Variants in CEP83 observed in about 807,000 individuals in gnomAD.
CEP83 encodes the protein centrosomal protein of 83 kDa.
In CEP83, 70 loss-of-function variants were observed where a neutral mutation model predicts 101.9. The ratio of observed to expected loss-of-function variants is 0.69; its 90% CI spans 0.57 to 0.84. The LOEUF is 0.84. CEP83 is among the 40% of genes least tolerant of loss of function. The probability of loss-of-function intolerance (pLI) is 0.00; values close to 1 mark genes in which losing one functional copy is unlikely to be tolerated. For missense variants in CEP83, 715 were observed against 787.2 expected, an observed-to-expected ratio of 0.91 and a Z score of 1.10; for synonymous variants, 264 against 267.9, an observed-to-expected ratio of 0.99 and a Z score of 0.14.
intron 2 of CEP83, among the ~76,000 whole-genome samples, chr12:94,422,088 T>C (rs529066680): frequency 6.6e-6 from 1 of 152,244 alleles, no homozygotes; most frequent in East Asian, 1.9e-4. Flanking sequence ...TATTTGGAGG[T>C]GTTTTGGCCT....
intron 2 of CEP83, among the ~76,000 whole-genome samples, chr12:94,423,406 C>T (rs1214875971): frequency 2.0e-5 from 3 of 149,448 alleles, no homozygotes; most frequent in Admixed American, 6.7e-5. Flanking sequence ...ATTCTGTTTG[C>T]GCCACATTTT....
At chr12:94,337,132 A>G (rs982202603) in intron 11 of CEP83, among the ~76,000 whole-genome samples, 2 of 152,236 alleles carry the variant, frequency 1.3e-5, no homozygotes, top group Non-Finnish European at 2.9e-5. Context: ...GACCCAGTTA[A>G]GAAAGTTATG....
chr12:94,426,266 T>C (rs1470202064), intron 2 of CEP83, among the ~76,000 whole-genome samples: 1 of 152,230 alleles, frequency 6.6e-6, no homozygotes, highest in East Asian at 1.9e-4. Context: ...TTTTTCCATC[T>C]CTTTGTATTC....
chr12:94,447,391 G>C (rs2066890539), intron 1 of CEP83, among the ~76,000 whole-genome samples: 1 of 152,196 alleles, frequency 6.6e-6, no homozygotes, highest in Non-Finnish European at 1.5e-5. Context: ...TGTAGTTCCA[G>C]CTACTTGAGA....
chr12:94,453,246 C>G (rs568838111), intron 1 of CEP83, among the ~76,000 whole-genome samples: 19 of 152,264 alleles, frequency 1.2e-4, no homozygotes, highest in African/African-American at 4.6e-4. Flanking sequence ...TCATCTATAC[C>G]TGGTATTTCA....
At chr12:94,293,904 G>C in the CEP83 span, among the ~76,000 whole-genome samples, 2 of 152,074 alleles carry the variant, frequency 1.3e-5, no homozygotes, top group East Asian at 3.9e-4. Flanking sequence ...GCAGGAGTGA[G>C]GCACCACGCC....
the CEP83 span, among the ~76,000 whole-genome samples, chr12:94,287,923 C>T: frequency 2.4e-4 from 37 of 152,354 alleles, no homozygotes; most frequent in African/African-American, 8.9e-4. Flanking sequence ...TGAATACTAT[C>T]AGCCCCATTC....
chr12:94,430,424 T>G (rs1012649982), intron 2 of CEP83, among the ~76,000 whole-genome samples: 6 of 150,846 alleles, frequency 4.0e-5, no homozygotes, highest in African/African-American at 1.5e-4. Flanking sequence ...AAGATAGGTA[T>G]CATTAAAAAA....
intron 11 of CEP83, among the ~76,000 whole-genome samples, chr12:94,363,515 G>A (rs1284544965): frequency 6.6e-6 from 1 of 152,092 alleles, no homozygotes; most frequent in Non-Finnish European, 1.5e-5. Context: ...CTGAAACCAA[G>A]GTCGTAAGGA....
Position 94,326,560 on chromosome 12 carries a change from G to A in CEP83, c.1707+5140C>T, listed in dbSNP as rs563534059. ...CCAGAGAACAAAGAAATGATTGCTG[G>A]TATTGGAAAACACCCTAGAGTAACC... On this transcript the variant is annotated intron_variant, in intron 14 of 16. Coordinates refer to ENST00000397809, the MANE Select transcript of CEP83 (RefSeq NM_016122.3). Among the ~76,000 whole-genome samples, 4 of 152,174 alleles carry A rather than the reference G, an allele frequency of 2.6e-5. No individual in the cohort carries two copies. The South Asian group carries it at 8.3e-4, about 31-fold the overall frequency.
intron 6 of CEP83, among the ~76,000 whole-genome samples, chr12:94,388,436 G>C (rs139143525): frequency 6.6e-6 from 1 of 152,236 alleles, no homozygotes; most frequent in South Asian, 2.1e-4. Flanking sequence ...CTACCAGAGA[G>C]GGGAGAGGAT....
At chr12:94,406,610 G>A (rs1051653076) in intron 4 of CEP83, among the ~76,000 whole-genome samples, 1 of 152,068 alleles carries the variant, frequency 6.6e-6, no homozygotes, top group Non-Finnish European at 1.5e-5. Context: ...AGAAAAGACT[G>A]AACATGTTGG....
At chr12:94,310,227 A>T (rs1359357179) in intron 15 of CEP83, 120 bp from the exon 16 acceptor site, 2 of 382,602 alleles carry the variant, frequency 5.2e-6, no homozygotes, top group Non-Finnish European at 9.1e-6. Flanking sequence ...TATAATATAT[A>T]GATAAAAAAT....
At chr12:94,438,183 C>CGAGA (rs2066135399) in intron 1 of CEP83, among the ~76,000 whole-genome samples, 1 of 151,540 alleles carries the variant, frequency 6.6e-6, no homozygotes, top group African/African-American at 2.4e-5. Flanking sequence ...CATGTCATTG[C>CGAGA]ACTCTAGCCT....
At chr12:94,279,620 A>G in the CEP83 span, 2 of 1,614,232 alleles carry the variant, frequency 1.2e-6, no homozygotes, top group East Asian at 2.2e-5. Flanking sequence ...GGCTCTCCTT[A>G]TGGACTTCAG....
chr12:94,325,009 G>C (rs2058910521), intron 14 of CEP83, among the ~76,000 whole-genome samples: 1 of 152,054 alleles, frequency 6.6e-6, no homozygotes, highest in Admixed American at 6.6e-5. Flanking sequence ...GCAGATTCCT[G>C]CCTCTCTTGT....
chr12:94,342,555 G>GCCTGCA (rs2059728923), intron 11 of CEP83, among the ~76,000 whole-genome samples: 1 of 152,140 alleles, frequency 6.6e-6, no homozygotes, highest in South Asian at 2.1e-4. Context: ...GCACATCTTT[G>GCCTGCA]CAGGCAAGGG....
chr12:94,425,365 G>A (rs1566169696), intron 2 of CEP83, among the ~76,000 whole-genome samples: 1 of 152,120 alleles, frequency 6.6e-6, no homozygotes, highest in East Asian at 1.9e-4. Flanking sequence ...TCATCCCATG[G>A]AGGGATCCTG....
chr12:94,407,804 G>T, intron 4 of CEP83: 1 of 152,298 alleles, frequency 6.6e-6, no homozygotes, highest in Non-Finnish European at 1.5e-5. Context: ...TTCTCTCTTA[G>T]GCTACTTTTT....
Sources: allele counts gnomAD v4.1 joint callset (sites outside exome capture counted in the v4.1 genomes callset), GRCh38; gene constraint gnomAD v4.1.1; transcripts MANE v1.5; gene names NCBI Gene and HGNC (gene_info 2026-07-23, HGNC 2026-07-21).